Variants in CDH13 observed in about 807,000 individuals in gnomAD.
The protein encoded by CDH13 is cadherin-13.
In CDH13, 24 loss-of-function variants were observed where a neutral mutation model predicts 63.8. That is an observed-to-expected ratio of 0.38 (90% CI 0.27 to 0.53). The LOEUF is 0.53. Ranked by LOEUF, CDH13 falls within the 20% of genes least tolerant of loss-of-function variation. CDH13 has a pLI of 0.85. For synonymous variants in CDH13, 503 were observed against 355.3 expected (o/e 1.42, Z -4.67); for missense variants, 1,049 against 903.1 (o/e 1.16, Z -2.07).
chr16:83,608,645 C>G (rs1229675657), intron 8 of CDH13, among the ~76,000 whole-genome samples: 2 of 149,100 alleles, frequency 1.3e-5, no homozygotes, highest in Non-Finnish European at 3.0e-5. Flanking sequence ...ACCACCATGT[C>G]TGGCTAATTT....
At chr16:82,804,463 G>A (rs536170262) in intron 1 of CDH13, among the ~76,000 whole-genome samples, 13 of 152,082 alleles carry the variant, frequency 8.5e-5, no homozygotes, top group Non-Finnish European at 1.3e-4. Context: ...TTTATTGCAC[G>A]TTAAAGATAC....
At chr16:83,737,044 C>T (rs145799536) in intron 10 of CDH13, among the ~76,000 whole-genome samples, 5 of 152,206 alleles carry the variant, frequency 3.3e-5, no homozygotes, top group African/African-American at 9.6e-5. Flanking sequence ...TTAGAGAGTC[C>T]GCAGAAAAGG....
chr16:83,150,693 T>A (rs931172060), intron 4 of CDH13, among the ~76,000 whole-genome samples: 1 of 152,202 alleles, frequency 6.6e-6, no homozygotes, highest in Non-Finnish European at 1.5e-5. Context: ...TACTATATGC[T>A]TATATAGTAA....
intron 1 of CDH13, among the ~76,000 whole-genome samples, chr16:82,718,671 AT>A (rs1300203966): frequency 2.6e-5 from 4 of 152,160 alleles, no homozygotes; most frequent in Admixed American, 2.6e-4. Flanking sequence ...TGAAAGGCAC[AT>A]CTCACATGGC....
intron 10 of CDH13, chr16:83,736,040 G>A (rs143231930): frequency 4.6e-5 from 7 of 152,260 alleles, no homozygotes; most frequent in South Asian, 2.1e-4. Flanking sequence ...ACTCCAAGTC[G>A]TCCTGTTCTT....
intron 1 of CDH13, among the ~76,000 whole-genome samples, chr16:82,811,865 A>G (rs181103232): frequency 6.6e-6 from 1 of 152,310 alleles, no homozygotes; most frequent in East Asian, 1.9e-4. Context: ...TGAGAATGCC[A>G]GAAGGGCCCA....
chr16:83,137,929 C>T (rs77397173), intron 4 of CDH13, among the ~76,000 whole-genome samples: 2,599 of 151,724 alleles, frequency 0.017, 52 homozygotes, highest in African/African-American at 0.059. Context: ...TCTTTTCCGG[C>T]TTGGAGCTAG....
At chr16:82,772,969 C>G (rs550049857) in intron 1 of CDH13, among the ~76,000 whole-genome samples, 296 of 152,270 alleles carry the variant, frequency 1.9e-3, no homozygotes, top group African/African-American at 6.9e-3. Flanking sequence ...GCTTAACCAT[C>G]TGGTTATCAG....
intron 13 of CDH13, among the ~76,000 whole-genome samples, chr16:83,786,814 C>T (rs1915916078): frequency 6.6e-6 from 1 of 152,186 alleles, no homozygotes; most frequent in Non-Finnish European, 1.5e-5. Context: ...TCTCAAACCC[C>T]TGACCTCAGG....
At chr16:83,226,447 C>T (rs905646529) in intron 5 of CDH13, among the ~76,000 whole-genome samples, 7 of 152,168 alleles carry the variant, frequency 4.6e-5, no homozygotes, top group Non-Finnish European at 8.8e-5. Context: ...TGGGAGAACC[C>T]CACATTCCTT....
chr16:82,869,072 A>T (rs1171687048), intron 2 of CDH13, among the ~76,000 whole-genome samples: 1 of 152,134 alleles, frequency 6.6e-6, no homozygotes, highest in Non-Finnish European at 1.5e-5. Flanking sequence ...TTTGAGATGG[A>T]GTCTCTCCCT....
At chr16:82,845,979 T>A (rs2039239950) in intron 1 of CDH13, among the ~76,000 whole-genome samples, 1 of 152,218 alleles carries the variant, frequency 6.6e-6, no homozygotes, top group Non-Finnish European at 1.5e-5. Context: ...AGACAAAAAT[T>A]GTGATTTCAC....
At chr16:82,945,524 A>G (rs1264252686) in intron 2 of CDH13, among the ~76,000 whole-genome samples, 2 of 152,276 alleles carry the variant, frequency 1.3e-5, no homozygotes, top group Middle Eastern at 3.4e-3. Context: ...AACAATAACA[A>G]TAATAACAAA....
chr16:83,272,102 T>G (rs2088838835), intron 5 of CDH13, among the ~76,000 whole-genome samples: 1 of 152,236 alleles, frequency 6.6e-6, no homozygotes, highest in Non-Finnish European at 1.5e-5. Flanking sequence ...CTTGTTTGTT[T>G]ATTCCACAAA....
chr16:83,794,201 G>T (rs551701823), intron 13 of CDH13, among the ~76,000 whole-genome samples: 1 of 152,174 alleles, frequency 6.6e-6, no homozygotes, highest in Non-Finnish European at 1.5e-5. Flanking sequence ...GAATAGATTC[G>T]TGTTGTTTGC....
intron 2 of CDH13, among the ~76,000 whole-genome samples, chr16:82,938,311 C>T (rs1403481539): frequency 1.3e-5 from 2 of 152,182 alleles, no homozygotes; most frequent in Non-Finnish European, 2.9e-5. Context: ...CTACAGAGCG[C>T]TAAGCTTCCT....
Position 83,656,366 on chromosome 16 carries a change from T to C in CDH13, c.1102-14424T>C, listed in dbSNP as rs1387488869. Among the ~76,000 whole-genome samples the C allele has an allele frequency of 2.6e-5, 4 of 152,062 alleles. No homozygotes were observed. In the East Asian group the frequency reaches 7.7e-4, roughly 29 times the overall value. Reference sequence around the variant, plus strand: ...GAGTCGGGAGGTGGAAAGGCCTCTGTTTCGATCATGTTAAGTTTGAGGTGC... The same window carrying C: ...GAGTCGGGAGGTGGAAAGGCCTCTGCTTCGATCATGTTAAGTTTGAGGTGC... On this transcript the variant is annotated intron_variant, in intron 8 of 13. Coordinates refer to ENST00000567109, the MANE Select transcript of CDH13 (RefSeq NM_001257.5).
intron 3 of CDH13, among the ~76,000 whole-genome samples, chr16:83,118,663 T>C (rs1389514686): frequency 6.6e-6 from 1 of 152,170 alleles, no homozygotes; most frequent in Non-Finnish European, 1.5e-5. Flanking sequence ...TGCAGTTCTT[T>C]AGAGAGTGCA....
rs903807770 is a variant in CDH13 at position 82,994,199 on chromosome 16, C to A, written c.158-37811C>A. On this transcript the variant is annotated intron_variant, in intron 2 of 13. Transcript: ENST00000567109. ...AGACGACAGCAGCTGCACCTCAGAACCCATCCTTTGTGCATCACACTCACT... is the reference window on the plus strand; with the variant it reads ...AGACGACAGCAGCTGCACCTCAGAAACCATCCTTTGTGCATCACACTCACT... 2.0e-5 allele frequency among the ~76,000 whole-genome samples: 3 copies of A among 152,154 alleles called. No individual in the cohort carries two copies. In the South Asian group the frequency reaches 6.2e-4, roughly 32 times the overall value.
Sources: allele counts gnomAD v4.1 joint callset (sites outside exome capture counted in the v4.1 genomes callset), GRCh38; gene constraint gnomAD v4.1.1; transcripts MANE v1.5; gene names NCBI Gene and HGNC (gene_info 2026-07-23, HGNC 2026-07-21).